The following C7orf57 variants were observed in gnomAD, a reference collection of about 807,000 sequenced individuals.
The protein encoded by C7orf57 is uncharacterized protein C7orf57.
C7orf57 carries 33 observed loss-of-function variants against 39.0 expected under a neutral mutation model. The observed-to-expected ratio is 0.85, with a 90% CI of 0.64 to 1.13. C7orf57 has a LOEUF of 1.13. Ranked by LOEUF, C7orf57 falls within the 50% of genes most tolerant of loss-of-function variation. The pLI is 0.00. For missense variants in C7orf57, 346 were observed against 362.3 expected, an observed-to-expected ratio of 0.95 and a Z score of 0.37; for synonymous variants, 124 against 137.1, an observed-to-expected ratio of 0.90 and a Z score of 0.67.
chr7:48,047,809 C>T (rs1377452135), intron 5 of C7orf57, among the ~76,000 whole-genome samples: 1 of 152,066 alleles, frequency 6.6e-6, no homozygotes, highest in East Asian at 1.9e-4. Flanking sequence ...CTCAAGGGCT[C>T]CTCCTGCCAC....
At chr7:48,057,903 T>TATGTAGTATATCACATTCTATTA (rs879264918) in intron 8 of C7orf57, among the ~76,000 whole-genome samples, 1 of 152,164 alleles carries the variant, frequency 6.6e-6, no homozygotes, top group Admixed American at 6.5e-5. Context: ...TTCATTCTAT[T>TATGTAGTATATCACATTCTATTA]ATGTAGTATA....
chr7:48,041,566 G>A, intron 3 of C7orf57, 47 bp downstream of exon 3: 1 of 1,441,954 alleles, frequency 6.9e-7, no homozygotes, highest in Non-Finnish European at 9.3e-7. Flanking sequence ...CGCGGGCGGT[G>A]AGGGGGGCGT....
At position 48,046,631 on chromosome 7, in the gene C7orf57, T is replaced by C; in HGVS notation, c.507+15T>C. The C allele has an allele frequency of 6.2e-7, 1 of 1,606,716 alleles. No individual in the cohort carries two copies. The highest frequency in any genetic ancestry group is 8.5e-7 in the Non-Finnish European group (1 of 1,176,536). Reference sequence around the variant, plus strand: ...AGAAAAAAAAGGTGACGGGAGCCCATAAATAGACGGCATCCGCATCCGCTT... The same window carrying C: ...AGAAAAAAAAGGTGACGGGAGCCCACAAATAGACGGCATCCGCATCCGCTT... On this transcript the variant is annotated intron_variant, in intron 5 of 8. Coordinates refer to ENST00000348904, the MANE Select transcript of C7orf57 (RefSeq NM_001100159.3).
chr7:48,051,937 C>T (rs1419494390), intron 6 of C7orf57, among the ~76,000 whole-genome samples: 1 of 126,694 alleles, frequency 7.9e-6, no homozygotes. Flanking sequence ...TTCTTTCTCT[C>T]CTCTTTTTTT....
intron 7 of C7orf57, among the ~76,000 whole-genome samples, chr7:48,053,963 G>C: frequency 6.6e-6 from 1 of 152,184 alleles, no homozygotes; most frequent in Non-Finnish European, 1.5e-5. Flanking sequence ...GAAGTGTTTG[G>C]TGTGGTGTGG....
intron 8 of C7orf57, 76 bp downstream of exon 8, chr7:48,054,682 T>C: frequency 7.8e-7 from 1 of 1,290,104 alleles, no homozygotes; most frequent in Non-Finnish European, 1.1e-6. Flanking sequence ...TAGTCCTGCA[T>C]TCTGAGACTA....
chr7:48,054,693 C>A, intron 8 of C7orf57, 87 bp downstream of exon 8: 1 of 1,180,800 alleles, frequency 8.5e-7, no homozygotes, highest in Non-Finnish European at 1.2e-6. Flanking sequence ...TCTGAGACTA[C>A]AGCCTCTAGG....
intron 6 of C7orf57, among the ~76,000 whole-genome samples, chr7:48,052,056 C>T (rs941616424): frequency 6.6e-6 from 1 of 151,162 alleles, no homozygotes; most frequent in African/African-American, 2.4e-5. Context: ...TCACTGCAAC[C>T]TCCGCCTCCC....
chr7:48,046,086 G>A (rs1016854680), intron 4 of C7orf57, among the ~76,000 whole-genome samples: 6 of 151,946 alleles, frequency 3.9e-5, no homozygotes, highest in African/African-American at 1.5e-4. Context: ...TTTCTAAGTG[G>A]GCCTCCTGAT....
chr7:48,036,348 C>A lies in C7orf57; in HGVS notation c.40C>A (p.Arg14Ser), dbSNP rs772221181. ...TSKELQGATH[R>S]YAPCDWYYHV... Reference sequence around the variant, plus strand: ...CAAGGAACTTCAGGGCGCCACGCACCGCTACGCTCCCTGCGGTGAGTGCGC... The same window carrying A: ...CAAGGAACTTCAGGGCGCCACGCACAGCTACGCTCCCTGCGGTGAGTGCGC... Residue 14 changes from arginine (R) to serine (S), a missense_variant, in exon 2 of 9, where the codon CGC becomes AGC. Coordinates refer to ENST00000348904, the MANE Select transcript of C7orf57 (RefSeq NM_001100159.3). The A allele has an allele frequency of 6.3e-7, 1 of 1,589,160 alleles. No individual in the cohort carries two copies. The highest frequency in any genetic ancestry group is 8.6e-7 in the Non-Finnish European group (1 of 1,168,276).
intron 3 of C7orf57, 46 bp downstream of exon 3, chr7:48,041,565 T>G (rs1218986703): frequency 6.9e-7 from 1 of 1,446,904 alleles, no homozygotes; most frequent in South Asian, 1.4e-5. Flanking sequence ...TCGCGGGCGG[T>G]GAGGGGGGCG....
In C7orf57 at chr7:48,052,677, A is replaced by T. The variant is rs111333180; in HGVS notation, c.606-23A>T. On this transcript the variant is annotated intron_variant, in intron 6 of 8. Transcript: ENST00000348904. ...TCATTAACCCTTGTACTTAAGTTTC[A>T]CATTACTTTTACTCTTTTTAAGGCC... 8.7e-5 allele frequency: 139 copies of T among 1,598,784 alleles called. 1 individual carries two copies. In the African/African-American group the frequency reaches 1.6e-3, roughly 18 times the overall value.
chr7:48,041,131 G>A (rs1312162306), intron 2 of C7orf57, among the ~76,000 whole-genome samples: 1 of 152,168 alleles, frequency 6.6e-6, no homozygotes, highest in Non-Finnish European at 1.5e-5. Context: ...GCATCTTGGT[G>A]GGCAGTAGAG....
At chr7:48,059,232 C>T (rs753622526) in intron 8 of C7orf57, among the ~76,000 whole-genome samples, 4 of 152,202 alleles carry the variant, frequency 2.6e-5, no homozygotes, top group Non-Finnish European at 4.4e-5. Context: ...TGCTGTCCCT[C>T]ATGGTTTTAA....
At chr7:48,050,192 T>C (rs1334993180) in intron 6 of C7orf57, among the ~76,000 whole-genome samples, 4 of 152,184 alleles carry the variant, frequency 2.6e-5, no homozygotes, top group Non-Finnish European at 5.9e-5. Flanking sequence ...CCCTTCCAGG[T>C]CATGCTTGCT....
chr7:48,038,967 G>A (rs1790467470), intron 2 of C7orf57, among the ~76,000 whole-genome samples: 1 of 152,206 alleles, frequency 6.6e-6, no homozygotes, highest in South Asian at 2.1e-4. Context: ...ATAGAAAGGA[G>A]TGACTGGGTT....
rs540448179 is a variant in C7orf57, at chr7:48,043,992, C to A, written c.350+403C>A. On this transcript the variant is annotated intron_variant, in intron 4 of 8. Transcript: ENST00000348904. ...GCCTCACGGATTCCAAGGAATGGAA[C>A]CTTGGGCCATGCATGAGTGTTATAG... Among the ~76,000 whole-genome samples, 22 of 152,150 alleles carry A rather than the reference C, an allele frequency of 1.4e-4. No homozygotes were observed. In the South Asian group the frequency reaches 4.6e-3, roughly 32 times the overall value.
At chr7:48,055,596 G>T (rs1221053605) in intron 8 of C7orf57, among the ~76,000 whole-genome samples, 1 of 152,072 alleles carries the variant, frequency 6.6e-6, no homozygotes, top group Non-Finnish European at 1.5e-5. Context: ...GGCACCCTTT[G>T]ACCAACTTCT....
chr7:48,051,851 CTT>C (rs1411285577), intron 6 of C7orf57, among the ~76,000 whole-genome samples: 1 of 65,592 alleles, frequency 1.5e-5, no homozygotes, highest in African/African-American at 8.6e-5. Context: ...TTCTTTCTTT[CTT>C]TCTTTCTTTC....
Sources: allele counts gnomAD v4.1 joint callset (sites outside exome capture counted in the v4.1 genomes callset), GRCh38; gene constraint gnomAD v4.1.1; transcripts MANE v1.5; gene names NCBI Gene and HGNC (gene_info 2026-07-23, HGNC 2026-07-21).